MAGI2: variants seen among roughly 807,000 people sequenced by gnomAD.
The protein encoded by MAGI2 is membrane associated guanylate kinase, WW and PDZ domain containing 2.
In MAGI2, 35 loss-of-function variants were observed where a neutral mutation model predicts 133.3. That is an observed-to-expected ratio of 0.26 (90% CI 0.20 to 0.35). The LOEUF is 0.35. Ranked by LOEUF, MAGI2 falls within the 10% of genes least tolerant of loss-of-function variation. The pLI is 1.00. For missense variants in MAGI2, 1,636 were observed against 1,863.4 expected (o/e 0.88, Z 2.25); for synonymous variants, 729 against 710.6 (o/e 1.03, Z -0.41).
At chr7:78,692,233 TAAAC>T (rs1001461363) in intron 2 of MAGI2, among the ~76,000 whole-genome samples, 1 of 152,142 alleles carries the variant, frequency 6.6e-6, no homozygotes, top group Non-Finnish European at 1.5e-5. Flanking sequence ...TGTTTGTAAA[TAAAC>T]ATACAAATGA....
At chr7:78,040,279 G>C (rs932359494) in intron 21 of MAGI2, among the ~76,000 whole-genome samples, 2 of 152,150 alleles carry the variant, frequency 1.3e-5, no homozygotes, top group African/African-American at 4.8e-5. Context: ...CCTTGCAGGC[G>C]GGCCGGAGTG....
chr7:78,364,446 A>C (rs1793167728), intron 7 of MAGI2, among the ~76,000 whole-genome samples: 1 of 152,210 alleles, frequency 6.6e-6, no homozygotes, highest in South Asian at 2.1e-4. Flanking sequence ...TTTACATTAA[A>C]TGTTACATTC....
intron 2 of MAGI2, among the ~76,000 whole-genome samples, chr7:78,708,854 A>G (rs1387078409): frequency 1.1e-5 from 1 of 87,132 alleles, no homozygotes; most frequent in Non-Finnish European, 2.4e-5. Context: ...CTTTGACTCT[A>G]ATACTCATTT....
intron 1 of MAGI2, among the ~76,000 whole-genome samples, chr7:79,026,438 C>T (rs780596745): frequency 6.6e-6 from 1 of 152,050 alleles, no homozygotes; most frequent in African/African-American, 2.4e-5. Context: ...AAAAATGTCA[C>T]GTAGAAGCAA....
At chr7:78,082,401 G>T (rs1437685621) in intron 20 of MAGI2, among the ~76,000 whole-genome samples, 1 of 152,170 alleles carries the variant, frequency 6.6e-6, no homozygotes, top group East Asian at 1.9e-4. Flanking sequence ...GGGGGCCTCA[G>T]GAATGAGGCT....
chr7:78,047,718 G>A (rs956067688), intron 21 of MAGI2, among the ~76,000 whole-genome samples: 5 of 152,268 alleles, frequency 3.3e-5, no homozygotes, highest in East Asian at 3.9e-4. Context: ...CTGACTGCCC[G>A]CTCTGTCTTG....
chr7:79,369,538 G>A (rs998655768), intron 1 of MAGI2, among the ~76,000 whole-genome samples: 4 of 152,286 alleles, frequency 2.6e-5, no homozygotes, highest in African/African-American at 9.6e-5. Context: ...GATGCTACCA[G>A]GAGAAATGAA....
At chr7:79,440,321 T>C (rs1344296683) in intron 1 of MAGI2, among the ~76,000 whole-genome samples, 1 of 152,130 alleles carries the variant, frequency 6.6e-6, no homozygotes, top group Non-Finnish European at 1.5e-5. Context: ...TACATAATTT[T>C]AAAAAGTACT....
At chr7:78,627,400 G>A (rs1013740231) in intron 2 of MAGI2, among the ~76,000 whole-genome samples, 161 bp from the exon 3 acceptor site, 2 of 152,194 alleles carry the variant, frequency 1.3e-5, no homozygotes, top group East Asian at 3.9e-4. Context: ...ACAGAAAACA[G>A]CAGGGGGTAA....
At chr7:79,130,579 T>C (rs1820844421) in intron 1 of MAGI2, among the ~76,000 whole-genome samples, 1 of 152,180 alleles carries the variant, frequency 6.6e-6, no homozygotes, top group Admixed American at 6.5e-5. Context: ...GAGTCTAGTG[T>C]CTACTTCATC....
chr7:78,864,290 TC>T (rs1794378589), intron 2 of MAGI2, among the ~76,000 whole-genome samples: 1 of 152,212 alleles, frequency 6.6e-6, no homozygotes, highest in Non-Finnish European at 1.5e-5. Flanking sequence ...TGTGTGACTC[TC>T]AAATGCAGAC....
intron 3 of MAGI2, among the ~76,000 whole-genome samples, chr7:78,555,116 AGAGT>A (rs1171979099): frequency 2.0e-5 from 3 of 151,478 alleles, no homozygotes; most frequent in Non-Finnish European, 2.9e-5. Flanking sequence ...TCTAGGTGAC[AGAGT>A]GAGGCACTGT....
At chr7:79,025,478 C>A (rs1809794090) in intron 1 of MAGI2, among the ~76,000 whole-genome samples, 2 of 152,170 alleles carry the variant, frequency 1.3e-5, no homozygotes, top group Admixed American at 1.3e-4. Flanking sequence ...TAGAAGCCTC[C>A]ACATGTACCC....
At chr7:79,193,213 G>A (rs1227011472) in intron 1 of MAGI2, among the ~76,000 whole-genome samples, 1 of 151,862 alleles carries the variant, frequency 6.6e-6, no homozygotes, top group East Asian at 1.9e-4. Flanking sequence ...AATGACCAAG[G>A]AACCTTATCA....
intron 2 of MAGI2, among the ~76,000 whole-genome samples, chr7:78,655,289 C>G (rs984722096): frequency 3.3e-5 from 5 of 151,860 alleles, no homozygotes; most frequent in Non-Finnish European, 7.4e-5. Context: ...TTTGTCACCT[C>G]CAATATGATC....
At chr7:78,490,052 T>C (rs937461353) in intron 5 of MAGI2, 1 of 475,762 alleles carries the variant, frequency 2.1e-6, no homozygotes, top group African/African-American at 2.0e-5. Flanking sequence ...TCAAAGCAGC[T>C]ATTTTTATTA....
At chr7:79,197,756 G>C (rs1828213736) in intron 1 of MAGI2, among the ~76,000 whole-genome samples, 1 of 151,974 alleles carries the variant, frequency 6.6e-6, no homozygotes, top group Non-Finnish European at 1.5e-5. Flanking sequence ...GTCTGGTAAG[G>C]ACTCTTTGCT....
At chr7:79,121,757 C>CT (rs1819927273) in intron 1 of MAGI2, among the ~76,000 whole-genome samples, 1 of 151,898 alleles carries the variant, frequency 6.6e-6, no homozygotes, top group South Asian at 2.1e-4. Context: ...TTTTTTCTTT[C>CT]TTTTTCATTC....
At chr7:79,335,174 C>A (rs1209754591) in intron 1 of MAGI2, among the ~76,000 whole-genome samples, 1 of 152,076 alleles carries the variant, frequency 6.6e-6, no homozygotes, top group East Asian at 1.9e-4. Context: ...AGATTTTACA[C>A]AATTGACAAC....
Sources: allele counts gnomAD v4.1 joint callset (sites outside exome capture counted in the v4.1 genomes callset), GRCh38; gene constraint gnomAD v4.1.1; transcripts MANE v1.5; gene names NCBI Gene and HGNC (gene_info 2026-07-23, HGNC 2026-07-21).